The following ATP13A1 variants were observed in gnomAD, a reference collection of about 807,000 sequenced individuals.
ATP13A1 encodes ATPase 13A1, also known as endoplasmic reticulum transmembrane helix translocase.
ATP13A1 carries 55 observed loss-of-function variants against 134.8 expected under a neutral mutation model. That is an observed-to-expected ratio of 0.41 (90% CI 0.33 to 0.51). ATP13A1 has a LOEUF of 0.51. ATP13A1 is among the 20% of genes least tolerant of loss of function. ATP13A1 has a pLI of 0.29. For synonymous variants in ATP13A1, 775 were observed against 725.1 expected, an observed-to-expected ratio of 1.07 and a Z score of -1.10; for missense variants, 1,389 against 1,652.8, an observed-to-expected ratio of 0.84 and a Z score of 2.77.
chr19:19,645,433 C>A lies in ATP13A1; in HGVS notation c.3604G>T (p.Val1202Leu), dbSNP rs1396274878. 1 of 1,601,096 alleles carries A rather than the reference C, an allele frequency of 6.2e-7. No individual in the cohort carries two copies. ...CCAGCACTGCCATCTCAGGAAGGCACTTTCAGCTTCGGGGTCCCCAGGAAG... is the reference window on the plus strand; with the variant it reads ...CCAGCACTGCCATCTCAGGAAGGCAATTTCAGCTTCGGGGTCCCCAGGAAG... ...QFFLGTPKLKVPS is the reference protein window; with the variant it reads ...QFFLGTPKLKLPS Residue 1202 changes from valine to leucine, a missense_variant, in exon 26 of 26, where the codon GTG becomes TTG. Physicochemically the swap from Val to Leu is conservative, Grantham distance 32. Transcript: ENST00000357324. The surrounding 1 kb of genome is among the most constrained non-coding windows in gnomAD (Gnocchi z 4.1).
Position 19,656,138 on chromosome 19 carries a change from C to T in ATP13A1, c.1129G>A (p.Ala377Thr). ...AAGATGACGTGCAGCCGGGAATCAG[C>T]CTGGAGGTCCAGCACCCGGTCTGGG... ...LSPDRVLDLQ[A>T]DSRLHVIFGG... Residue 377 changes from alanine to threonine, a missense_variant, in exon 8 of 26, where the codon GCT becomes ACT. Ala to Thr is a moderately conservative substitution (Grantham distance 58). Transcript: ENST00000357324. The surrounding 1 kb of genome is among the most constrained non-coding windows in gnomAD (Gnocchi z 4.6). The T allele has an allele frequency of 1.2e-6, 2 of 1,613,674 alleles. No individual in the cohort carries two copies. Among genetic ancestry groups the T allele is most frequent in the Non-Finnish European group, 8.5e-7 (1 of 1,179,742 alleles).
rs964993032 is a variant in ATP13A1 at position 19,649,801 on chromosome 19, C to T, written c.2475G>A (p.Gln825=). The part of the protein sequence containing the change: ...GLAHLQATDP[Q]QLLRLIPHVQ... ...CATGGGGGATGAGGCGGAGCAGCTG[C>T]TGGGGGTCGGTGGCCTGCAGGTGGG... Residue 825 remains glutamine (Q), a synonymous_variant, in exon 18 of 26, where the codon CAG becomes CAA. Coordinates refer to ENST00000357324, the MANE Select transcript of ATP13A1 (RefSeq NM_020410.3). 6.2e-6 allele frequency: 10 copies of T among 1,601,380 alleles called. No homozygotes were observed. Among genetic ancestry groups the T allele is most frequent in the South Asian group, 1.1e-5 (1 of 90,682 alleles).
chr19:19,659,908 T>C lies in ATP13A1; in HGVS notation c.476A>G (p.His159Arg), dbSNP rs1200375978. ...GCAGGCAGTCCCTACCTCATTGCGG[T>C]GCAGGGCCACGAGCTCCGTGGAGCC... The part of the protein sequence containing the change: ...NNGSTELVAL[H>R]RNEGEDGLEV... Residue 159 changes from histidine (H) to arginine (R), a missense_variant, in exon 2 of 26, where the codon CAC becomes CGC. This residue lies in a region of ATP13A1 where 293 missense variants were observed against 270.8 expected (regional missense o/e 1.08). Coordinates refer to ENST00000357324, the MANE Select transcript of ATP13A1 (RefSeq NM_020410.3). 6.9e-6 allele frequency: 11 copies of C among 1,589,058 alleles called. No homozygotes were observed. The highest frequency in any genetic ancestry group is 4.1e-5 in the African/African-American group (3 of 73,872).
rs1305762635 is a variant in ATP13A1, at chr19:19,651,677, C to A, written c.2335+12G>T. ...TCCCCCTTCCCCACTGTGGGCCAGG[C>A]TAGGGCCTCACCTTTCTCGGAGGGA... On this transcript the variant is annotated intron_variant, in intron 17 of 25. Coordinates refer to ENST00000357324, the MANE Select transcript of ATP13A1 (RefSeq NM_020410.3). The A allele has an allele frequency of 1.9e-6, 3 of 1,605,532 alleles. No individual in the cohort carries two copies. Among genetic ancestry groups the A allele is most frequent in the South Asian group, 1.1e-5 (1 of 90,390 alleles).
In ATP13A1 at chr19:19,663,633, G is replaced by A. The variant is rs990314926; in HGVS notation, c.34C>T (p.Pro12Ser). 12 of 1,323,826 alleles carry A rather than the reference G, an allele frequency of 9.1e-6. No homozygotes were observed. The East Asian group carries it at 3.1e-4, about 35-fold the overall frequency. The allele number at this position is 1,323,826 out of a possible 1,614,324, so 82.0% of individuals were successfully genotyped here. ...ACCCCGCAAGGCCGGGCCCCGCAGG[G>A]CACCGCGTTGCCCACCGCCGCCGCT... ...AAAAAVGNAV[P>S]CGARPCGVRP... Residue 12 changes from proline (P) to serine (S), a missense_variant, in exon 1 of 26, where the codon CCC becomes TCC. Physicochemically the swap from Pro to Ser is moderately conservative, Grantham distance 74. Transcript: ENST00000357324.
rs778391443 is a variant in ATP13A1, at chr19:19,656,140, T to C, written c.1127A>G (p.Gln376Arg). ...GATGACGTGCAGCCGGGAATCAGCC[T>C]GGAGGTCCAGCACCCGGTCTGGGCT... ...DLSPDRVLDL[Q>R]ADSRLHVIFG... is the part of the protein sequence containing the mutation. The change falls in exon 8 of 26, where the codon CAG (glutamine) becomes CGG (arginine). Residue 376 changes from glutamine (Q) to arginine (R), a missense_variant. By Grantham distance (43) the Gln-to-Arg change is conservative. Around this residue, in one of 4 missense-constraint regions of ATP13A1, gnomAD observed 747 missense variants for 956.1 expected, o/e 0.78. Coordinates refer to ENST00000357324, the MANE Select transcript of ATP13A1 (RefSeq NM_020410.3). The surrounding 1 kb of genome is among the most constrained non-coding windows in gnomAD (Gnocchi z 4.6). The C allele has an allele frequency of 6.2e-7, 1 of 1,613,676 alleles. No homozygotes were observed. The highest frequency in any genetic ancestry group is 8.5e-7 in the Non-Finnish European group (1 of 1,179,738).
chr19:19,647,034 G>A lies in ATP13A1; in HGVS notation c.3105+95C>T. The A allele has an allele frequency of 2.2e-6, 3 of 1,352,114 alleles. No individual in the cohort carries two copies. Among genetic ancestry groups the A allele is most frequent in the Non-Finnish European group, 3.0e-6 (3 of 994,374 alleles). 83.8% of individuals were successfully genotyped at this position (1,352,114 alleles called of 1,614,324 possible). A position where few individuals can be genotyped will look rare whatever the true frequency, so the allele number is the denominator to read the frequency against. On this transcript the variant is annotated intron_variant, in intron 22 of 25. Coordinates refer to ENST00000357324, the MANE Select transcript of ATP13A1 (RefSeq NM_020410.3). This position sits in a 1 kb window ranked among gnomAD's most constrained non-coding sequence, Gnocchi z 4.8. ...ACAGCCCCCATCTCTGGGGCCCTGG[G>A]TCCTGTAACTTGGGGATGACAATTC... is the stretch of plus-strand genomic sequence containing the variant.
rs1440525539 is a variant in ATP13A1 at position 19,654,104 on chromosome 19, C to T, written c.1854G>A (p.Leu618=). The T allele has an allele frequency of 6.3e-7, 1 of 1,593,130 alleles. No homozygotes were observed. The highest frequency in any genetic ancestry group is 8.5e-7 in the Non-Finnish European group (1 of 1,169,966). The change falls in exon 14 of 26, where the codon CTG becomes CTA. Residue 618 remains leucine (L), a synonymous_variant. Transcript: ENST00000357324. The part of the protein sequence containing the change: ...VFPRSIKTQG[L]KIHQRFHFAS... ...CAAAATGAAAGCGCTGGTGAATTTT[C>T]AGCCCCTGAGTTTTAATACTTCGGG...
chr19:19,646,919 C>A (rs908722088), intron 22 of ATP13A1: 5 of 584,580 alleles, frequency 8.6e-6, no homozygotes, highest in Non-Finnish European at 1.5e-5. Flanking sequence ...TACCTGTGGA[C>A]AGGTGTGGAC....
At position 19,647,855 on chromosome 19, in the gene ATP13A1, G is replaced by C; in HGVS notation, c.2633-96C>G. 2 of 1,433,728 alleles carry C rather than the reference G, an allele frequency of 1.4e-6. No individual in the cohort carries two copies. Among genetic ancestry groups the C allele is most frequent in the Non-Finnish European group, 1.9e-6 (2 of 1,077,300 alleles). 88.8% of individuals were successfully genotyped at this position (1,433,728 alleles called of 1,614,324 possible). A position where few individuals can be genotyped will look rare whatever the true frequency, so the allele number is the denominator to read the frequency against. On this transcript the variant is annotated intron_variant, in intron 19 of 25. Transcript: ENST00000357324. The surrounding 1 kb of genome is among the most constrained non-coding windows in gnomAD (Gnocchi z 4.8). ...CACTGGTCCTGAAGTCCCCCAGCTG[G>C]CTCCCGTGAGGACAGTTCCCAGACT... is the stretch of plus-strand genomic sequence containing the variant.
rs2061985322 is a variant in ATP13A1, at chr19:19,646,299, G to A, written c.3154C>T (p.Leu1052=). 1 of 1,613,944 alleles carries A rather than the reference G, an allele frequency of 6.2e-7. No homozygotes were observed. The highest frequency in any genetic ancestry group is 8.5e-7 in the Non-Finnish European group (1 of 1,179,842). The change falls in exon 23 of 26, where the codon CTG becomes TTG. Residue 1052 remains leucine, a synonymous_variant. Coordinates refer to ENST00000357324, the MANE Select transcript of ATP13A1 (RefSeq NM_020410.3). ...AGCATGACGGTGAGGATGGTGTACA[G>A]GTTGAAGATGTTGGGCAGGGGCCGT... ...RERPLPNIFN[L]YTILTVMLQF...
chr19:19,661,778 G>T (rs976714234), intron 1 of ATP13A1, among the ~76,000 whole-genome samples: 3 of 152,164 alleles, frequency 2.0e-5, no homozygotes, highest in African/African-American at 7.2e-5. Context: ...GGAGATGGGG[G>T]GAGCACAATG....
At chr19:19,651,898 G>A in intron 16 of ATP13A1, 101 bp from the exon 17 acceptor site, 2 of 886,348 alleles carry the variant, frequency 2.3e-6, no homozygotes, top group East Asian at 2.8e-5. Flanking sequence ...GCCACAGTGG[G>A]AGATCCTGGG....
At chr19:19,652,470 G>T in intron 16 of ATP13A1, 125 bp downstream of exon 16, 1 of 1,348,188 alleles carries the variant, frequency 7.4e-7, no homozygotes, top group Non-Finnish European at 1.0e-6. Flanking sequence ...CCTGAGCTAT[G>T]ATCTTGCTCA....
Position 19,647,886 on chromosome 19 carries a change from A to C in ATP13A1, c.2633-127T>G. 1 of 1,228,050 alleles carries C rather than the reference A, an allele frequency of 8.1e-7. No homozygotes were observed. Among genetic ancestry groups the C allele is most frequent in the Non-Finnish European group, 1.1e-6 (1 of 906,378 alleles). 76.1% of individuals were successfully genotyped at this position (1,228,050 alleles called of 1,614,324 possible). ...GTGAGGACAGTTCCCAGACTTCCCC[A>C]TTTCACCTGACACCCTAAGGAGACC... is the stretch of plus-strand genomic sequence containing the variant. On this transcript the variant is annotated intron_variant, in intron 19 of 25. Transcript: ENST00000357324. The surrounding 1 kb of genome is among the most constrained non-coding windows in gnomAD (Gnocchi z 4.8).
chr19:19,663,044 A>G (rs1432743060), intron 1 of ATP13A1: 1 of 732,212 alleles, frequency 1.4e-6, no homozygotes, highest in East Asian at 2.7e-5. Context: ...AAATGACCAT[A>G]ACAGGGAGGA....
Position 19,653,997 on chromosome 19 carries a change from T to A in ATP13A1, c.1961A>T (p.Lys654Met). The change falls in exon 14 of 26, where the codon AAG becomes ATG. Residue 654 changes from lysine to methionine, a missense_variant. Lys to Met is a moderately conservative substitution (Grantham distance 95). This residue lies in a region of ATP13A1 where 747 missense variants were observed against 956.1 expected (regional missense o/e 0.78). Transcript: ENST00000357324. This position sits in a 1 kb window ranked among gnomAD's most constrained non-coding sequence, Gnocchi z 4.2. ...STDLCYIAAVKGAPETLHSMF... is the reference protein window; with the variant it reads ...STDLCYIAAVMGAPETLHSMF... Reference sequence around the variant, plus strand: ...GGAGTGCAGAGTTTCGGGGGCCCCCTTCACGGCCGCGATGTAGCAGAGGTC... The same window carrying A: ...GGAGTGCAGAGTTTCGGGGGCCCCCATCACGGCCGCGATGTAGCAGAGGTC... The A allele has an allele frequency of 6.3e-7, 1 of 1,598,666 alleles. No homozygotes were observed. The highest frequency in any genetic ancestry group is 2.3e-5 in the East Asian group (1 of 44,218).
chr19:19,645,280 TG>T lies in ATP13A1; in HGVS notation c.*141del. 1 of 916,628 alleles carries T rather than the reference TG, an allele frequency of 1.1e-6. No individual in the cohort carries two copies. Among genetic ancestry groups the T allele is most frequent in the Non-Finnish European group, 1.7e-6 (1 of 605,858 alleles). The allele number at this position is 916,628 out of a possible 1,614,324, so 56.8% of individuals were successfully genotyped here. A position where few individuals can be genotyped will look rare whatever the true frequency, so the allele number is the denominator to read the frequency against. The stretch of plus-strand genomic sequence containing the variant: ...TGCTGGCCAAGCCAGCGGATGGCTG[TG>T]GGGGTCCCAGCTCAGTCTTCCAAGG... On this transcript the variant is annotated 3_prime_UTR_variant, in exon 26 of 26. Coordinates refer to ENST00000357324, the MANE Select transcript of ATP13A1 (RefSeq NM_020410.3). This position sits in a 1 kb window ranked among gnomAD's most constrained non-coding sequence, Gnocchi z 4.1.
At position 19,654,989 on chromosome 19, in the gene ATP13A1, GGAAAT is replaced by G. The variant is rs1275390704; in HGVS notation, c.1655+125_1655+129del. 122 of 1,412,162 alleles carry G rather than the reference GGAAAT, an allele frequency of 8.6e-5. No individual in the cohort carries two copies. The East Asian group carries it at 2.6e-3, about 30-fold the overall frequency. The allele number at this position is 1,412,162 out of a possible 1,614,324, so 87.5% of individuals were successfully genotyped here. On this transcript the variant is annotated intron_variant, in intron 12 of 25. Transcript: ENST00000357324. ...ACCCAGGACTTTGTGGGGAGCCCCTGGAAATGAACCCGAGGCAGGGCCTCTGACGG... is the reference window on the plus strand; with the variant it reads ...ACCCAGGACTTTGTGGGGAGCCCCTGGAACCCGAGGCAGGGCCTCTGACGG...
Sources: gnomAD v4.1 joint callset for allele counts (sites outside exome capture counted in the v4.1 genomes callset) on GRCh38, gnomAD v4.1.1 for gene constraint, gnomAD v4.1.1 regional missense constraint, Gnocchi (gnomAD v3.1) non-coding constraint, MANE v1.5 for transcripts, NCBI Gene and HGNC (gene_info 2026-07-23, HGNC 2026-07-21) for gene names.